The following GPANK1 variants were observed in gnomAD, a reference collection of about 807,000 sequenced individuals.
The protein encoded by GPANK1 is G-patch domain and ankyrin repeats 1.
A neutral mutation model predicts 24.0 loss-of-function variants in GPANK1; 22 were observed. The ratio of observed to expected loss-of-function variants is 0.92; its 90% CI spans 0.66 to 1.31. GPANK1 has a LOEUF of 1.31. Ranked by LOEUF, GPANK1 falls within the 50% of genes most tolerant of loss-of-function variation. The pLI is 0.00. For missense variants in GPANK1, 469 were observed against 453.5 expected, an observed-to-expected ratio of 1.03 and a Z score of -0.31; for synonymous variants, 174 against 177.4, an observed-to-expected ratio of 0.98 and a Z score of 0.15.
chr6:31,664,013 C>G lies in GPANK1; in HGVS notation c.466G>C (p.Gly156Arg). The stretch of plus-strand genomic sequence containing the variant: ...CCCAGGAGATAGCTCACAGCTGCCC[C>G]CTGGCCCGCTCGAGCAGCACACATC... ...PLMCAARAGQ[G>R]AAVSYLLGRG... Residue 156 changes from glycine to arginine, a missense_variant, in exon 2 of 3, where the codon GGG becomes CGG. By Grantham distance (125) the Gly-to-Arg change is moderately radical. Transcript: ENST00000375896. 1 of 1,614,222 alleles carries G rather than the reference C, an allele frequency of 6.2e-7. No individual in the cohort carries two copies. Among genetic ancestry groups the G allele is most frequent in the East Asian group, 2.2e-5 (1 of 44,880 alleles).
In GPANK1 at chr6:31,663,937, G is replaced by C; in HGVS notation, c.542C>G (p.Ala181Gly). 2 of 1,613,840 alleles carry C rather than the reference G, an allele frequency of 1.2e-6. No homozygotes were observed. The highest frequency in any genetic ancestry group is 1.7e-6 in the Non-Finnish European group (2 of 1,179,900). The change falls in exon 2 of 3, where the codon GCT becomes GGT. Residue 181 changes from alanine to glycine, a missense_variant. By Grantham distance (60) the Ala-to-Gly change is moderately conservative (BLOSUM62 0). Coordinates refer to ENST00000375896, the MANE Select transcript of GPANK1 (RefSeq NM_033177.4). Reference protein sequence around the residue: ...GVCELSGRDAAQLAEEAGFPE... With the variant: ...GVCELSGRDAGQLAEEAGFPE... ...GAAGCCAGCTTCTTCAGCGAGCTGAGCCGCATCCCTGCCACTCAGCTCACA... is the reference window on the plus strand; with the variant it reads ...GAAGCCAGCTTCTTCAGCGAGCTGACCCGCATCCCTGCCACTCAGCTCACA...
In GPANK1 at chr6:31,664,917, AAT is replaced by A. The variant is rs918196962; in HGVS notation, c.-178_-177del. The A allele has an allele frequency of 2.9e-5, 6 of 207,868 alleles. No individual in the cohort carries two copies. Among genetic ancestry groups the A allele is most frequent in the African/African-American group, 1.2e-4 (5 of 42,928 alleles). The allele number at this position is 207,868 out of a possible 1,614,324, so 12.9% of individuals were successfully genotyped here. A position where few individuals can be genotyped will look rare whatever the true frequency, so the allele number is the denominator to read the frequency against. On this transcript the variant is annotated 5_prime_UTR_variant, in exon 1 of 3. Coordinates refer to ENST00000375896, the MANE Select transcript of GPANK1 (RefSeq NM_033177.4). ...TCGGAGTTTCCTCTTCCCAAACAAA[AAT>A]AGATGGGTCACTCCCTAGAAGATCT...
At chr6:31,665,208 C>A, upstream of GPANK1, 1 of 544,530 alleles carries the variant, frequency 1.8e-6, no homozygotes, top group Non-Finnish European at 3.3e-6. Flanking sequence ...TAGGATCTGT[C>A]GGTTGGGGTC....
At chr6:31,665,634 G>C, upstream of GPANK1, 2 of 967,642 alleles carry the variant, frequency 2.1e-6, no homozygotes, top group Non-Finnish European at 3.2e-6. Context: ...GTCTCTGGCG[G>C]GACTGATTCG....
chr6:31,662,541 CCCT>C lies in GPANK1; in HGVS notation c.793_795del (p.Arg265del). The C allele has an allele frequency of 1.2e-6, 2 of 1,612,910 alleles. No homozygotes were observed. Among genetic ancestry groups the C allele is most frequent in the Non-Finnish European group, 1.7e-6 (2 of 1,179,954 alleles). On this transcript the variant is annotated inframe_deletion, in exon 3 of 3. Coordinates refer to ENST00000375896, the MANE Select transcript of GPANK1 (RefSeq NM_033177.4). The surrounding 1 kb of genome is among the most constrained non-coding windows in gnomAD (Gnocchi z 5.5). ...AGCCCCATTCCTGGCTCCCAGCCCC[CCCT>C]CAGCAGCAGTTTGAAGCCCGGGCTG...
At chr6:31,663,719 C>CT in intron 2 of GPANK1, 134 bp downstream of exon 2, 1 of 1,337,124 alleles carries the variant, frequency 7.5e-7, no homozygotes, top group Non-Finnish European at 9.8e-7. Context: ...AACCACTTGA[C>CT]TATACTACCC....
Position 31,664,472 on chromosome 6 carries a change from G to T in GPANK1, c.7C>A (p.Arg3=). Residue 3 remains arginine (R), a synonymous_variant, in exon 2 of 3, where the codon CGG becomes AGG. Transcript: ENST00000375896. ...GGGGTGAAGGTGATGAGCAAGGGCCGGGACATGGCTTTTGGGAGAACTGAG... is the reference window on the plus strand; with the variant it reads ...GGGGTGAAGGTGATGAGCAAGGGCCTGGACATGGCTTTTGGGAGAACTGAG... MS[R]PLLITFTPAT... is the part of the protein sequence containing the mutation. 1.2e-6 allele frequency: 2 copies of T among 1,607,178 alleles called. No individual in the cohort carries two copies. Among genetic ancestry groups the T allele is most frequent in the Non-Finnish European group, 1.7e-6 (2 of 1,175,980 alleles).
rs760571985 is a variant in GPANK1 at position 31,663,939 on chromosome 6, C to T, written c.540G>A (p.Ala180=). The T allele has an allele frequency of 3.1e-6, 5 of 1,613,652 alleles. No individual in the cohort carries two copies. The highest frequency in any genetic ancestry group is 2.2e-5 in the East Asian group (1 of 44,878). Residue 180 remains alanine (A), a synonymous_variant, in exon 2 of 3, where the codon GCG becomes GCA. Transcript: ENST00000375896. ...AGCCAGCTTCTTCAGCGAGCTGAGC[C>T]GCATCCCTGCCACTCAGCTCACAGA... ...VGVCELSGRD[A]AQLAEEAGFP...
chr6:31,665,968 C>T, upstream of GPANK1: 1 of 1,023,424 alleles, frequency 9.8e-7, no homozygotes, highest in Non-Finnish European at 1.2e-6. Flanking sequence ...ATTGGTAGTT[C>T]GCTTTCTCTC....
In GPANK1 at chr6:31,664,428, G is replaced by A. The variant is rs374297878; in HGVS notation, c.51C>T (p.Asp17=). 1.2e-6 allele frequency: 2 copies of A among 1,613,992 alleles called. No homozygotes were observed. Among genetic ancestry groups the A allele is most frequent in the East Asian group, 2.2e-5 (1 of 44,892 alleles). Residue 17 remains aspartate, a synonymous_variant, in exon 2 of 3, where the codon GAC becomes GAT. Coordinates refer to ENST00000375896, the MANE Select transcript of GPANK1 (RefSeq NM_033177.4). ...ITFTPATDPS[D]LWKDGQQQPQ... is the part of the protein sequence containing the mutation. ...GCTGCTGCTGCCCATCCTTCCAGAG[G>A]TCGCTGGGGTCAGTGGCTGGGGTGA...
intron 1 of GPANK1, 123 bp downstream of exon 1, chr6:31,664,718 A>C: frequency 3.7e-6 from 2 of 537,698 alleles, no homozygotes; most frequent in Non-Finnish European, 3.3e-6. Flanking sequence ...CTCCTTAGTA[A>C]AGATTAATAA....
chr6:31,665,549 C>T (rs1242174394), upstream of GPANK1: 9 of 1,283,250 alleles, frequency 7.0e-6, no homozygotes, highest in East Asian at 4.2e-5. Context: ...CCACCCAAGT[C>T]CCTACGCACG....
At chr6:31,665,442 G>A (rs1801527422), upstream of GPANK1, 1 of 1,565,862 alleles carries the variant, frequency 6.4e-7, no homozygotes, top group East Asian at 2.4e-5. Flanking sequence ...TAGAGCCTAA[G>A]GGGAAATGGA....
At chr6:31,665,545 A>T, upstream of GPANK1, 1 of 1,092,638 alleles carries the variant, frequency 9.2e-7, no homozygotes, top group Non-Finnish European at 1.2e-6. Context: ...CACCCCACCC[A>T]AGTCCCTACG....
chr6:31,665,123 G>A (rs118127996), upstream of GPANK1: 3,981 of 403,028 alleles, frequency 9.9e-3, 184 homozygotes, highest in South Asian at 0.093. Context: ...GCAAAGCTCC[G>A]GGTTCAGTTT....
rs3036263 is a variant in GPANK1, at chr6:31,661,245, T to TTTGAC, written c.*1020_*1021insGTCAA. 0.38 allele frequency: 57,839 copies of TTTGAC among 151,670 alleles called. 12,070 individuals are homozygous for TTTGAC. Among genetic ancestry groups the TTTGAC allele is most frequent in the African/African-American group, 0.56 (23,015 of 41,290 alleles). The allele number at this position is 151,670 out of a possible 1,614,324, so 9.4% of individuals were successfully genotyped here. A position where few individuals can be genotyped will look rare whatever the true frequency, so the allele number is the denominator to read the frequency against. On this transcript the variant is annotated 3_prime_UTR_variant, in exon 3 of 3. Coordinates refer to ENST00000375896, the MANE Select transcript of GPANK1 (RefSeq NM_033177.4). ...TAGACAAATGGGTGGAACAAAGAAG[T>TTTGAC]TTAAAGTTTAGATTTGGGGGCTAGA...
upstream of GPANK1, chr6:31,666,004 G>A (rs1422594798): frequency 4.1e-5 from 41 of 1,003,592 alleles, no homozygotes; most frequent in Non-Finnish European, 4.7e-5. Flanking sequence ...TTCTCTACCG[G>A]GGACTCCGTG....
chr6:31,665,012 A>T (rs1273817379), upstream of GPANK1: 3 of 261,946 alleles, frequency 1.1e-5, no homozygotes, highest in East Asian at 2.6e-4. Flanking sequence ...TTCTAATCAG[A>T]AGAGTTGACA....
rs2295666 is a variant in GPANK1 at position 31,662,633 on chromosome 6, G to A, written c.704C>T (p.Ala235Val). The A allele has an allele frequency of 7.3e-4, 1,177 of 1,612,762 alleles. 8 individuals carry two copies. In the Admixed American group the frequency reaches 0.012, roughly 16 times the overall value. Residue 235 changes from alanine (A) to valine (V), a missense_variant, in exon 3 of 3, where the codon GCT becomes GTT. Coordinates refer to ENST00000375896, the MANE Select transcript of GPANK1 (RefSeq NM_033177.4). This position sits in a 1 kb window ranked among gnomAD's most constrained non-coding sequence, Gnocchi z 5.5. ...ACCCTGCGACAGTGACAGCAGGTGA[G>A]CAGTGGATGTGCGGTGGTTGGAATC... The part of the protein sequence containing the change: ...FQDSNHRTST[A>V]HLLSLSQGPQ...
Sources: gnomAD v4.1 joint callset for allele counts on GRCh38, gnomAD v4.1.1 for gene constraint, Gnocchi (gnomAD v3.1) non-coding constraint, MANE v1.5 for transcripts, NCBI Gene and HGNC (gene_info 2026-07-23, HGNC 2026-07-21) for gene names.